PUS10: variants seen among roughly 807,000 people sequenced by gnomAD.
PUS10 encodes the protein tRNA pseudouridine synthase Pus10.
In PUS10, 59 loss-of-function variants were observed where a neutral mutation model predicts 75.0. That is an observed-to-expected ratio of 0.79 (90% confidence interval 0.64 to 0.98). PUS10 has a LOEUF of 0.98. PUS10 is among the 50% of genes least tolerant of loss of function. PUS10 has a pLI of 0.00. For missense variants in PUS10, 650 were observed against 614.4 expected, an observed-to-expected ratio of 1.06 and a Z score of -0.61; for synonymous variants, 219 against 211.6, an observed-to-expected ratio of 1.03 and a Z score of -0.30.
chr2:60,996,463 C>A (rs1035030071), intron 4 of PUS10, among the ~76,000 whole-genome samples: 1 of 152,140 alleles, frequency 6.6e-6, no homozygotes, highest in East Asian at 1.9e-4. Context: ...TGGTGATCTT[C>A]TGACCTTTAG....
At position 61,018,245 on chromosome 2, in the gene PUS10, G is replaced by A. The variant is rs754040578; in HGVS notation, c.-253C>T. ...TGTCCAGCCACGGCATCGACAGGGAGCAAAGTCTCTCCTTAAAGGTGTTAA... is the reference window on the plus strand; with the variant it reads ...TGTCCAGCCACGGCATCGACAGGGAACAAAGTCTCTCCTTAAAGGTGTTAA... On this transcript the variant is annotated 5_prime_UTR_variant, in exon 1 of 18. Transcript: ENST00000316752. The A allele has an allele frequency of 6.4e-7, 1 of 1,551,134 alleles. No homozygotes were observed. Among genetic ancestry groups the A allele is most frequent in the South Asian group, 1.2e-5 (1 of 84,060 alleles).
chr2:61,002,517 A>G (rs1168645530), intron 4 of PUS10, among the ~76,000 whole-genome samples: 1 of 152,130 alleles, frequency 6.6e-6, no homozygotes, highest in African/African-American at 2.4e-5. Context: ...GTGCAATCTC[A>G]GCTCACCGCA....
At chr2:60,984,669 TC>T (rs1677608794) in intron 4 of PUS10, among the ~76,000 whole-genome samples, 1 of 152,236 alleles carries the variant, frequency 6.6e-6, no homozygotes, top group South Asian at 2.1e-4. Context: ...TGAATATTCT[TC>T]AACTGGATAA....
In PUS10 at chr2:61,011,843, G is replaced by T. The variant is rs1324728353; in HGVS notation, c.48C>A (p.Leu16=). 5 of 1,608,972 alleles carry T rather than the reference G, an allele frequency of 3.1e-6. No homozygotes were observed. The South Asian group carries it at 5.5e-5, about 18-fold the overall frequency. ...EENKHVAQLL[L]NTGTCPRCIF... is the part of the protein sequence containing the mutation. Reference sequence around the variant, plus strand: ...TACATCTTGGACAAGTACCAGTATTGAGCAACAACTGGGCCACATGCTTGT... The same window carrying T: ...TACATCTTGGACAAGTACCAGTATTTAGCAACAACTGGGCCACATGCTTGT... Residue 16 remains leucine (L), a synonymous_variant, in exon 2 of 18, where the codon CTC becomes CTA. Coordinates refer to ENST00000316752, the MANE Select transcript of PUS10 (RefSeq NM_144709.4).
intron 17 of PUS10, among the ~76,000 whole-genome samples, chr2:60,944,549 T>C (rs1355802404): frequency 6.6e-6 from 1 of 152,208 alleles, no homozygotes; most frequent in Non-Finnish European, 1.5e-5. Flanking sequence ...TTACAATTAC[T>C]TTAGAATTTA....
intron 5 of PUS10, among the ~76,000 whole-genome samples, chr2:60,971,111 T>C (rs1676634238): frequency 1.3e-5 from 2 of 151,046 alleles, no homozygotes; most frequent in Non-Finnish European, 3.0e-5. Flanking sequence ...ACCAGCGAGG[T>C]GGAGGTTGCA....
chr2:60,959,258 A>G (rs1299204889), intron 11 of PUS10, among the ~76,000 whole-genome samples: 1 of 152,200 alleles, frequency 6.6e-6, no homozygotes, highest in Non-Finnish European at 1.5e-5. Flanking sequence ...GATGTGGAAG[A>G]TGTGTTTTAA....
At chr2:60,962,450 T>A (rs553029179) in intron 9 of PUS10, among the ~76,000 whole-genome samples, 2 of 152,192 alleles carry the variant, frequency 1.3e-5, no homozygotes, top group Admixed American at 1.3e-4. Flanking sequence ...GGTGCATGCC[T>A]ATAATCCCAG....
chr2:60,967,528 C>T lies in PUS10; in HGVS notation c.589G>A (p.Glu197Lys). 6 of 1,605,966 alleles carry T rather than the reference C, an allele frequency of 3.7e-6. No individual in the cohort carries two copies. The highest frequency in any genetic ancestry group is 5.1e-6 in the Non-Finnish European group (6 of 1,174,946). Residue 197 changes from glutamate (E) to lysine (K), a missense_variant, in exon 6 of 18, where the codon GAA becomes AAA. Transcript: ENST00000316752. Reference sequence around the variant, plus strand: ...TTTCCATCAATGGGAACACCCAGTTCCTCTGAAAACAGGGGGTGAGTTATC... The same window carrying T: ...TTTCCATCAATGGGAACACCCAGTTTCTCTGAAAACAGGGGGTGAGTTATC... ...KWITHPLFSEELGVPIDGKSL... is the reference protein window; with the variant it reads ...KWITHPLFSEKLGVPIDGKSL...
chr2:60,954,851 A>T (rs1402462709), intron 12 of PUS10, among the ~76,000 whole-genome samples, 167 bp downstream of exon 12: 1 of 152,258 alleles, frequency 6.6e-6, no homozygotes, highest in African/African-American at 2.4e-5. Context: ...GGTGTATTTC[A>T]TATAATTCAT....
intron 9 of PUS10, among the ~76,000 whole-genome samples, chr2:60,962,135 A>G (rs1676062038): frequency 6.6e-6 from 1 of 152,262 alleles, no homozygotes. Flanking sequence ...GAACGATACT[A>G]GGAAATACAG....
At chr2:60,988,361 A>G (rs1447214733) in intron 4 of PUS10, among the ~76,000 whole-genome samples, 3 of 152,132 alleles carry the variant, frequency 2.0e-5, no homozygotes, top group Admixed American at 6.5e-5. Flanking sequence ...TTTTCTCCTC[A>G]TAGTCCTCCC....
chr2:60,986,904 A>G (rs1677756610), intron 4 of PUS10, among the ~76,000 whole-genome samples: 2 of 152,220 alleles, frequency 1.3e-5, no homozygotes, highest in South Asian at 4.1e-4. Flanking sequence ...CCCCATCTAG[A>G]AGACAGGAAA....
At chr2:60,962,323 G>C (rs566533562) in intron 9 of PUS10, among the ~76,000 whole-genome samples, 3 of 152,212 alleles carry the variant, frequency 2.0e-5, no homozygotes, top group Non-Finnish European at 4.4e-5. Context: ...TGTAATCCCA[G>C]CACTTTGGGA....
At chr2:60,973,059 G>A (rs1676788480) in intron 4 of PUS10, among the ~76,000 whole-genome samples, 1 of 152,206 alleles carries the variant, frequency 6.6e-6, no homozygotes, top group Non-Finnish European at 1.5e-5. Context: ...ACATCCCCGA[G>A]GCAGCCAACT....
chr2:60,948,160 G>A lies in PUS10; in HGVS notation c.1334C>T (p.Pro445Leu). Residue 445 changes from proline to leucine, a missense_variant, in exon 16 of 18, where the codon CCT (proline) becomes CTT (leucine). By Grantham distance (98) the Pro-to-Leu change is moderately conservative. Coordinates refer to ENST00000316752, the MANE Select transcript of PUS10 (RefSeq NM_144709.4). ...GGGCCTTCGGTGAAGGACGCGCAAAGGTGTTTTCTGGTCGATTTTTAAGTC... is the reference window on the plus strand; with the variant it reads ...GGGCCTTCGGTGAAGGACGCGCAAAAGTGTTTTCTGGTCGATTTTTAAGTC... ...IKDLKIDQKT[P>L]LRVLHRRPLA... The A allele has an allele frequency of 6.2e-7, 1 of 1,614,096 alleles. No individual in the cohort carries two copies. The highest frequency in any genetic ancestry group is 8.5e-7 in the Non-Finnish European group (1 of 1,180,014).
At chr2:60,964,131 G>C (rs1371401219) in intron 8 of PUS10, among the ~76,000 whole-genome samples, 1 of 152,192 alleles carries the variant, frequency 6.6e-6, no homozygotes, top group African/African-American at 2.4e-5. Context: ...AGCTCAGGGT[G>C]CTGAACAAAC....
At chr2:60,969,298 T>C (rs372983406) in intron 5 of PUS10, among the ~76,000 whole-genome samples, 1 of 152,238 alleles carries the variant, frequency 6.6e-6, no homozygotes, top group South Asian at 2.1e-4. Context: ...CTCATCCTTA[T>C]ATATAAAGCA....
intron 5 of PUS10, among the ~76,000 whole-genome samples, chr2:60,967,910 GGATTTATACATCA>G (rs1327222409): frequency 6.6e-6 from 1 of 152,036 alleles, no homozygotes; most frequent in African/African-American, 2.4e-5. Context: ...CCAGATTCCA[GGATTTATACATCA>G]GAAGACAGAA....
Sources: allele counts gnomAD v4.1 joint callset (sites outside exome capture counted in the v4.1 genomes callset), GRCh38; gene constraint gnomAD v4.1.1; transcripts MANE v1.5; gene names NCBI Gene and HGNC (gene_info 2026-07-23, HGNC 2026-07-21).